CDYL2: variants seen among roughly 807,000 people sequenced by gnomAD.
CDYL2 encodes the protein chromodomain Y like 2.
In CDYL2, 23 loss-of-function variants were observed where a neutral mutation model predicts 49.4. The observed-to-expected ratio is 0.47, with a 90% CI of 0.34 to 0.66. The LOEUF (loss-of-function observed/expected upper bound fraction) is 0.66, where lower values mean the gene tolerates loss of function less well. CDYL2 is among the 30% of genes least tolerant of loss of function. The pLI is 0.01. For missense variants in CDYL2, 678 were observed against 656.4 expected, an observed-to-expected ratio of 1.03 and a Z score of -0.36; for synonymous variants, 360 against 268.8, an observed-to-expected ratio of 1.34 and a Z score of -3.32.
chr16:80,710,756 C>T (rs933284655), intron 1 of CDYL2, among the ~76,000 whole-genome samples: 1 of 151,932 alleles, frequency 6.6e-6, no homozygotes, highest in African/African-American at 2.4e-5. Context: ...CACACACACA[C>T]ATACACACAG....
At chr16:80,626,662 T>C (rs1251479137) in intron 3 of CDYL2, among the ~76,000 whole-genome samples, 1 of 152,176 alleles carries the variant, frequency 6.6e-6, no homozygotes, top group Non-Finnish European at 1.5e-5. Flanking sequence ...TGTGCCTGGG[T>C]GAAGCTTAGA....
At chr16:80,686,276 G>A (rs915201941) in intron 1 of CDYL2, among the ~76,000 whole-genome samples, 1 of 152,196 alleles carries the variant, frequency 6.6e-6, no homozygotes, top group African/African-American at 2.4e-5. Context: ...TAACTGAAGG[G>A]TATGTGAGGG....
intron 2 of CDYL2, among the ~76,000 whole-genome samples, chr16:80,651,471 G>T (rs1057427724): frequency 6.6e-6 from 1 of 152,156 alleles, no homozygotes; most frequent in African/African-American, 2.4e-5. Context: ...TGAGGCATAG[G>T]AGACTTTTTA....
chr16:80,716,840 T>C (rs554324890), intron 1 of CDYL2, among the ~76,000 whole-genome samples: 17 of 150,724 alleles, frequency 1.1e-4, no homozygotes, highest in Admixed American at 4.6e-4. Context: ...GATGAATGGA[T>C]AGATGATGTA....
chr16:80,774,661 T>C (rs1442350661), intron 1 of CDYL2, among the ~76,000 whole-genome samples: 1 of 152,106 alleles, frequency 6.6e-6, no homozygotes, highest in Non-Finnish European at 1.5e-5. Flanking sequence ...CTGTACCCCA[T>C]AATAAACATA....
intron 1 of CDYL2, among the ~76,000 whole-genome samples, chr16:80,783,761 G>A (rs1981869): frequency 0.21 from 31,905 of 152,124 alleles, 5,663 homozygotes; most frequent in African/African-American, 0.49. Flanking sequence ...ACATGGCTGA[G>A]CCACAGAAAC....
At chr16:80,657,923 A>G (rs1258725760) in intron 2 of CDYL2, among the ~76,000 whole-genome samples, 1 of 152,188 alleles carries the variant, frequency 6.6e-6, no homozygotes, top group Non-Finnish European at 1.5e-5. Context: ...GACTGGTGAA[A>G]TAAACTACGA....
At chr16:80,797,461 A>G (rs1330003891) in intron 1 of CDYL2, among the ~76,000 whole-genome samples, 1 of 152,232 alleles carries the variant, frequency 6.6e-6, no homozygotes, top group Non-Finnish European at 1.5e-5. Context: ...ATGTGACCAC[A>G]TAACTATCTT....
chr16:80,704,385 T>C (rs1365771194), intron 1 of CDYL2, among the ~76,000 whole-genome samples: 1 of 152,230 alleles, frequency 6.6e-6, no homozygotes, highest in Non-Finnish European at 1.5e-5. Context: ...TATCAAGTGC[T>C]CATCACATGC....
chr16:80,610,297 T>C (rs966660297), intron 5 of CDYL2, among the ~76,000 whole-genome samples: 1 of 152,038 alleles, frequency 6.6e-6, no homozygotes, highest in African/African-American at 2.4e-5. Context: ...CTTCCACAGG[T>C]GCTTGCCTAG....
chr16:80,737,116 T>C (rs1434295315), intron 1 of CDYL2, among the ~76,000 whole-genome samples: 1 of 152,156 alleles, frequency 6.6e-6, no homozygotes, highest in Non-Finnish European at 1.5e-5. Flanking sequence ...GTAGGAAAAC[T>C]GAGGATCTTG....
chr16:80,767,607 C>T (rs1309397398), intron 1 of CDYL2, among the ~76,000 whole-genome samples: 5 of 152,038 alleles, frequency 3.3e-5, no homozygotes, highest in African/African-American at 9.7e-5. Context: ...TCAAGGCATC[C>T]CAAAAGACTT....
At chr16:80,620,395 A>G (rs890765451) in intron 4 of CDYL2, among the ~76,000 whole-genome samples, 2 of 152,192 alleles carry the variant, frequency 1.3e-5, no homozygotes, top group Non-Finnish European at 2.9e-5. Flanking sequence ...GACTCTCCCC[A>G]TCAGGCAAGG....
chr16:80,739,735 G>A (rs565028715), intron 1 of CDYL2, among the ~76,000 whole-genome samples: 1 of 152,296 alleles, frequency 6.6e-6, no homozygotes, highest in South Asian at 2.1e-4. Flanking sequence ...GAGCCAGAAT[G>A]AGTCATAGAA....
intron 2 of CDYL2, among the ~76,000 whole-genome samples, chr16:80,678,281 A>G (rs1280079994): frequency 6.6e-6 from 1 of 152,220 alleles, no homozygotes; most frequent in Non-Finnish European, 1.5e-5. Context: ...TAAACTAAAG[A>G]GCTTCTGTAC....
At chr16:80,765,596 G>A (rs925637786) in intron 1 of CDYL2, among the ~76,000 whole-genome samples, 2 of 151,806 alleles carry the variant, frequency 1.3e-5, no homozygotes, top group African/African-American at 4.8e-5. Context: ...CGATCTGCAC[G>A]CAAAAACTTG....
chr16:80,743,546 G>T (rs1173191433), intron 1 of CDYL2, among the ~76,000 whole-genome samples: 1 of 152,174 alleles, frequency 6.6e-6, no homozygotes, highest in Admixed American at 6.5e-5. Flanking sequence ...TGTAGCCACA[G>T]GTCTCACCTA....
chr16:80,731,995 G>C (rs535421821), intron 1 of CDYL2, among the ~76,000 whole-genome samples: 3 of 151,828 alleles, frequency 2.0e-5, no homozygotes, highest in East Asian at 3.9e-4. Flanking sequence ...CGCAAGGAAA[G>C]TCAGCACAGA....
At chr16:80,718,058 T>C (rs1285461797) in intron 1 of CDYL2, among the ~76,000 whole-genome samples, 2 of 152,182 alleles carry the variant, frequency 1.3e-5, no homozygotes, top group Non-Finnish European at 2.9e-5. Flanking sequence ...GGGGCTATTA[T>C]CTCTACTTTA....
Sources: gnomAD v4.1 joint callset for allele counts (sites outside exome capture counted in the v4.1 genomes callset) on GRCh38, gnomAD v4.1.1 for gene constraint, MANE v1.5 for transcripts, NCBI Gene and HGNC (gene_info 2026-07-23, HGNC 2026-07-21) for gene names.